Variants in FOXP1 observed in about 807,000 individuals in gnomAD.
The protein encoded by FOXP1 is forkhead box P1, also known as forkhead box protein P1.
In FOXP1, 15 loss-of-function variants were observed where a neutral mutation model predicts 98.2. That is an observed-to-expected ratio of 0.15 (90% CI 0.10 to 0.24). The LOEUF is 0.24. FOXP1 is among the 10% of genes least tolerant of loss of function. The pLI is 1.00. For missense variants in FOXP1, 633 were observed against 848.5 expected, an observed-to-expected ratio of 0.75 and a Z score of 3.15; for synonymous variants, 371 against 314.5, an observed-to-expected ratio of 1.18 and a Z score of -1.90.
chr3:71,534,095 G>A (rs187594147), intron 2 of FOXP1, among the ~76,000 whole-genome samples: 1 of 152,204 alleles, frequency 6.6e-6, no homozygotes, highest in Non-Finnish European at 1.5e-5. Context: ...TGTGCGCGGT[G>A]GCAAACGCCT....
At chr3:71,316,484 A>T (rs1220198169) in intron 4 of FOXP1, among the ~76,000 whole-genome samples, 1 of 152,006 alleles carries the variant, frequency 6.6e-6, no homozygotes, top group East Asian at 1.9e-4. Context: ...GCCCTAGAGA[A>T]TGCCACTACC....
At chr3:71,049,378 C>T (rs2049514943) in intron 9 of FOXP1, among the ~76,000 whole-genome samples, 2 of 152,098 alleles carry the variant, frequency 1.3e-5, no homozygotes, top group Admixed American at 1.3e-4. Flanking sequence ...TGTCTATTTT[C>T]CTCACCACTT....
chr3:71,290,704 T>C (rs902171966), intron 5 of FOXP1, among the ~76,000 whole-genome samples: 1 of 152,216 alleles, frequency 6.6e-6, no homozygotes, highest in African/African-American at 2.4e-5. Flanking sequence ...ACAACTTGAG[T>C]AGCCTTAATC....
At chr3:71,308,478 G>A (rs530021142) in intron 4 of FOXP1, among the ~76,000 whole-genome samples, 6 of 152,186 alleles carry the variant, frequency 3.9e-5, no homozygotes, top group Admixed American at 1.3e-4. Context: ...GATCAGATAC[G>A]ATGCGTACAA....
intron 20 of FOXP1, among the ~76,000 whole-genome samples, chr3:70,962,893 C>G (rs1414447498): frequency 6.6e-6 from 1 of 152,080 alleles, no homozygotes; most frequent in Admixed American, 6.6e-5. Flanking sequence ...CTAACCTTAT[C>G]CAAAAAATCA....
At chr3:71,453,164 T>G (rs1236501587) in intron 3 of FOXP1, among the ~76,000 whole-genome samples, 1 of 152,178 alleles carries the variant, frequency 6.6e-6, no homozygotes, top group African/African-American at 2.4e-5. Flanking sequence ...TCACACTTGG[T>G]GATGTTTGGG....
chr3:71,519,180 A>G (rs983808722), intron 2 of FOXP1, among the ~76,000 whole-genome samples: 2 of 152,202 alleles, frequency 1.3e-5, no homozygotes, highest in Non-Finnish European at 1.5e-5. Context: ...CAGGAGGCAG[A>G]GGTTGCAGTG....
rs187334721 is a variant in FOXP1 at position 71,308,048 on chromosome 3, T to C, written c.-72-8168A>G. Among the ~76,000 whole-genome samples the C allele has an allele frequency of 2.8e-4, 42 of 152,000 alleles. 1 individual carries two copies. The East Asian group carries it at 5.0e-3, about 18-fold the overall frequency. ...ACAGGGATTGTGACAAAAATCCGTATGCAAGCTTTAGATGCTGAGTGACAC... is the reference window on the plus strand; with the variant it reads ...ACAGGGATTGTGACAAAAATCCGTACGCAAGCTTTAGATGCTGAGTGACAC... On this transcript the variant is annotated intron_variant, in intron 4 of 20. Coordinates refer to ENST00000649528, the MANE Select transcript of FOXP1 (RefSeq NM_001349338.3).
At chr3:71,287,211 G>C (rs1487107065) in intron 5 of FOXP1, among the ~76,000 whole-genome samples, 1 of 152,136 alleles carries the variant, frequency 6.6e-6, no homozygotes, top group Non-Finnish European at 1.5e-5. Context: ...GGGATTACAG[G>C]TGTGAACTTC....
intron 12 of FOXP1, among the ~76,000 whole-genome samples, chr3:71,013,162 C>T (rs965675687): frequency 1.3e-5 from 2 of 152,134 alleles, no homozygotes; most frequent in African/African-American, 4.8e-5. Context: ...AATGGGCCAA[C>T]CCAGGTCTTA....
At chr3:70,965,844 A>G (rs1403665365) in intron 20 of FOXP1, 46 bp downstream of exon 20, 1 of 1,584,624 alleles carries the variant, frequency 6.3e-7, no homozygotes, top group African/African-American at 1.3e-5. Context: ...GTACCTAGGG[A>G]GACTAGGGTC....
At chr3:71,112,239 T>C (rs1378026248) in intron 7 of FOXP1, among the ~76,000 whole-genome samples, 1 of 152,218 alleles carries the variant, frequency 6.6e-6, no homozygotes, top group Admixed American at 6.5e-5. Flanking sequence ...GTGACAATTC[T>C]GAGTACTATG....
chr3:71,085,635 C>A (rs1044187857), intron 7 of FOXP1, among the ~76,000 whole-genome samples: 2 of 151,586 alleles, frequency 1.3e-5, no homozygotes, highest in African/African-American at 4.9e-5. Context: ...ACATTATTAG[C>A]ACCTTTCGTT....
intron 6 of FOXP1, among the ~76,000 whole-genome samples, chr3:71,139,524 C>G (rs1451527612): frequency 6.6e-6 from 1 of 151,780 alleles, no homozygotes; most frequent in Non-Finnish European, 1.5e-5. Flanking sequence ...AATTGATCTA[C>G]TCTGCCCTTG....
At chr3:71,270,735 A>C (rs183967711) in intron 5 of FOXP1, among the ~76,000 whole-genome samples, 5 of 152,332 alleles carry the variant, frequency 3.3e-5, no homozygotes, top group African/African-American at 9.6e-5. Flanking sequence ...AGGCCCTCAA[A>C]AAGTTACCAA....
At chr3:71,446,009 A>G (rs765848249) in intron 3 of FOXP1, among the ~76,000 whole-genome samples, 12 of 152,038 alleles carry the variant, frequency 7.9e-5, no homozygotes, top group African/African-American at 1.2e-4. Flanking sequence ...TTTAACACAT[A>G]CAAGTATCTA....
At chr3:70,985,016 ATG>A (rs2039495327) in intron 14 of FOXP1, among the ~76,000 whole-genome samples, 1 of 152,212 alleles carries the variant, frequency 6.6e-6, no homozygotes, top group Non-Finnish European at 1.5e-5. Context: ...TAACACCCAA[ATG>A]GCATTTAGTG....
chr3:71,188,813 T>C (rs1275919785), intron 6 of FOXP1, among the ~76,000 whole-genome samples: 1 of 152,206 alleles, frequency 6.6e-6, no homozygotes, highest in Admixed American at 6.5e-5. Context: ...TTGCTGAAGA[T>C]TAATATGTGT....
intron 2 of FOXP1, among the ~76,000 whole-genome samples, chr3:71,497,704 A>C (rs755960352): frequency 3.3e-5 from 5 of 152,154 alleles, no homozygotes; most frequent in Admixed American, 6.5e-5. Flanking sequence ...TGACTACTTT[A>C]GGGGAAGGAA....
Sources: allele counts gnomAD v4.1 joint callset (sites outside exome capture counted in the v4.1 genomes callset), GRCh38; gene constraint gnomAD v4.1.1; transcripts MANE v1.5; gene names NCBI Gene and HGNC (gene_info 2026-07-23, HGNC 2026-07-21).